Variants in TMCO5A observed in about 807,000 individuals in gnomAD.
TMCO5A encodes the protein transmembrane and coiled-coil domain-containing protein 5A.
In TMCO5A, 34 loss-of-function variants were observed where a neutral mutation model predicts 42.3. That is an observed-to-expected ratio of 0.80 (90% CI 0.61 to 1.07). TMCO5A has a LOEUF of 1.07. TMCO5A is among the 50% of genes least tolerant of loss of function. TMCO5A has a pLI of 0.00. For synonymous variants in TMCO5A, 131 were observed against 115.6 expected, an observed-to-expected ratio of 1.13 and a Z score of -0.86; for missense variants, 357 against 327.9, an observed-to-expected ratio of 1.09 and a Z score of -0.69.
At chr15:38,019,953 C>T in the TMCO5A span, among the ~76,000 whole-genome samples, 1 of 151,126 alleles carries the variant, frequency 6.6e-6, no homozygotes, top group Non-Finnish European at 1.5e-5. Context: ...ATGACATGTA[C>T]AGCATCAGAG....
At chr15:37,979,613 G>T in the TMCO5A span, among the ~76,000 whole-genome samples, 2 of 152,202 alleles carry the variant, frequency 1.3e-5, no homozygotes, top group Non-Finnish European at 2.9e-5. Context: ...ATAAGGAGTA[G>T]TAGGGACAGC....
chr15:37,956,182 AG>A (rs1274128667), downstream of TMCO5A, among the ~76,000 whole-genome samples: 1 of 152,196 alleles, frequency 6.6e-6, no homozygotes, highest in Non-Finnish European at 1.5e-5. Context: ...CACAATTAAA[AG>A]AACTAGAGAA....
the TMCO5A span, among the ~76,000 whole-genome samples, chr15:38,038,591 G>C: frequency 6.6e-6 from 1 of 151,958 alleles, no homozygotes; most frequent in Non-Finnish European, 1.5e-5. Flanking sequence ...ATTTGTAGTA[G>C]AGATGGGGTT....
At chr15:37,976,773 TTTCTTTCTTTTTC>T in the TMCO5A span, among the ~76,000 whole-genome samples, 1 of 150,168 alleles carries the variant, frequency 6.7e-6, no homozygotes, top group Non-Finnish European at 1.5e-5. Context: ...GGTTTCTTTC[TTTCTTTCTTTTTC>T]TTCTTTCTTT....
At chr15:38,012,369 ATAT>A in the TMCO5A span, among the ~76,000 whole-genome samples, 1 of 152,142 alleles carries the variant, frequency 6.6e-6, no homozygotes, top group African/African-American at 2.4e-5. Flanking sequence ...CTCAAATCAA[ATAT>A]TATCGATTTT....
downstream of TMCO5A, among the ~76,000 whole-genome samples, chr15:37,972,360 T>C (rs1026239144): frequency 3.3e-5 from 5 of 152,150 alleles, no homozygotes; most frequent in Admixed American, 2.6e-4. Context: ...CAAGATGAGA[T>C]TTGGGTGGGG....
chr15:37,966,756 TG>T, exon 12 of TMCO5A: 1 of 700,284 alleles, frequency 1.4e-6, no homozygotes, highest in Admixed American at 2.0e-5. Context: ...GGTCATAAAC[TG>T]GCCTATCTGA....
the TMCO5A span, among the ~76,000 whole-genome samples, chr15:38,036,262 T>C: frequency 6.6e-6 from 1 of 152,170 alleles, no homozygotes; most frequent in East Asian, 1.9e-4. Flanking sequence ...TGACTTTTAA[T>C]AGAGCCTCCC....
the TMCO5A span, among the ~76,000 whole-genome samples, chr15:38,019,542 T>C: frequency 6.6e-6 from 1 of 152,174 alleles, no homozygotes. Context: ...ATATTCCTCC[T>C]ACCCGTTCAC....
At chr15:38,032,498 A>T in the TMCO5A span, among the ~76,000 whole-genome samples, 2 of 152,228 alleles carry the variant, frequency 1.3e-5, no homozygotes, top group African/African-American at 4.8e-5. Context: ...CAGAATCTAG[A>T]GTAGTTCTTC....
chr15:37,966,475 C>A, intron 11 of TMCO5A: 1 of 631,552 alleles, frequency 1.6e-6, no homozygotes, highest in South Asian at 1.8e-5. Context: ...TGTTTCAAAA[C>A]ATCTCATATA....
At chr15:37,936,240 A>G in intron 2 of TMCO5A, 74 bp from the exon 3 acceptor site, 1 of 1,521,812 alleles carries the variant, frequency 6.6e-7, no homozygotes, top group Non-Finnish European at 8.8e-7. Flanking sequence ...TGTGTTCTAA[A>G]TACCCTTTTT....
At chr15:37,937,708 G>C (rs190894712) in intron 5 of TMCO5A, among the ~76,000 whole-genome samples, 19 of 152,256 alleles carry the variant, frequency 1.2e-4, no homozygotes, top group African/African-American at 4.3e-4. Context: ...TTTGCAGTGA[G>C]AGGTTAATTT....
chr15:38,034,422 T>C, the TMCO5A span, among the ~76,000 whole-genome samples: 3 of 152,180 alleles, frequency 2.0e-5, no homozygotes, highest in South Asian at 2.1e-4. Context: ...ACCTGGGACA[T>C]TGAGTGAGCA....
the TMCO5A span, among the ~76,000 whole-genome samples, chr15:37,973,545 T>A: frequency 2.0e-5 from 3 of 152,184 alleles, no homozygotes; most frequent in African/African-American, 7.2e-5. Flanking sequence ...CACTTGTGAA[T>A]GTGATTCATT....
At chr15:37,942,049 G>A (rs1440187369) in intron 8 of TMCO5A, 142 bp from the exon 9 acceptor site, 2 of 751,764 alleles carry the variant, frequency 2.7e-6, no homozygotes, top group Non-Finnish European at 4.4e-6. Flanking sequence ...GTAGTAGGGG[G>A]GTGAGTTTTA....
intron 11 of TMCO5A, among the ~76,000 whole-genome samples, chr15:37,950,521 T>C (rs187916155): frequency 2.2e-4 from 33 of 152,252 alleles, no homozygotes; most frequent in African/African-American, 7.7e-4. Flanking sequence ...AACTACCTTG[T>C]AGATAAATGG....
the TMCO5A span, among the ~76,000 whole-genome samples, chr15:38,010,967 A>G: frequency 6.6e-6 from 1 of 152,096 alleles, no homozygotes; most frequent in Non-Finnish European, 1.5e-5. Context: ...GGCTGGTCTC[A>G]AACTCCTGGC....
the TMCO5A span, among the ~76,000 whole-genome samples, chr15:38,009,905 G>A: frequency 6.6e-6 from 1 of 152,174 alleles, no homozygotes; most frequent in Admixed American, 6.5e-5. Context: ...ATTTATGGTA[G>A]GCTGAGAATG....
Sources: gnomAD v4.1 joint callset for allele counts (sites outside exome capture counted in the v4.1 genomes callset) on GRCh38, gnomAD v4.1.1 for gene constraint, MANE v1.5 for transcripts, NCBI Gene and HGNC (gene_info 2026-07-23, HGNC 2026-07-21) for gene names.